OR1F1: variants seen among roughly 807,000 people sequenced by gnomAD.
OR1F1 encodes olfactory receptor 1F1.
For synonymous variants in OR1F1, 184 were observed against 156.7 expected, an observed-to-expected ratio of 1.17 and a Z score of -1.30; for missense variants, 493 against 376.3, an observed-to-expected ratio of 1.31 and a Z score of -2.57.
At chr16:3,191,969 A>G in the OR1F1 span, among the ~76,000 whole-genome samples, 1 of 152,166 alleles carries the variant, frequency 6.6e-6, no homozygotes. Flanking sequence ...CACAAAGAAA[A>G]GTAAAGGGCC....
At chr16:3,189,148 G>A in the OR1F1 span, among the ~76,000 whole-genome samples, 5 of 152,230 alleles carry the variant, frequency 3.3e-5, no homozygotes, top group Non-Finnish European at 7.3e-5. Flanking sequence ...AGAAGCGTGA[G>A]GTGCGGCGAG....
chr16:3,195,919 G>A, the OR1F1 span, among the ~76,000 whole-genome samples: 1 of 152,206 alleles, frequency 6.6e-6, no homozygotes, highest in East Asian at 1.9e-4. Flanking sequence ...CCACCTGGGT[G>A]CGCAGCCCCA....
At chr16:3,200,715 A>G (rs1596324177), upstream of OR1F1, among the ~76,000 whole-genome samples, 1 of 152,338 alleles carries the variant, frequency 6.6e-6, no homozygotes, top group East Asian at 1.9e-4. Context: ...CCTACTGAAG[A>G]TAGCTTTGCT....
chr16:3,204,129 C>G (rs990357129), upstream of OR1F1: 2 of 708,648 alleles, frequency 2.8e-6, no homozygotes, highest in African/African-American at 1.8e-5. Flanking sequence ...ACAATATTAT[C>G]ATTTACATCC....
chr16:3,202,973 C>T (rs192884677), upstream of OR1F1, among the ~76,000 whole-genome samples: 92 of 150,382 alleles, frequency 6.1e-4, no homozygotes, highest in Non-Finnish European at 5.0e-4. Context: ...CTTCTTAATC[C>T]CAGTACAGCT....
At chr16:3,190,766 A>AAAG in the OR1F1 span, among the ~76,000 whole-genome samples, 25 of 151,514 alleles carry the variant, frequency 1.7e-4, no homozygotes, top group African/African-American at 5.8e-4. Flanking sequence ...AAAAAAAAAA[A>AAAG]AAGACCGCAA....
chr16:3,189,346 C>G, the OR1F1 span, among the ~76,000 whole-genome samples: 2 of 152,210 alleles, frequency 1.3e-5, no homozygotes, highest in Non-Finnish European at 2.9e-5. Context: ...GAGCTCCTCA[C>G]TGCGCGCCTC....
chr16:3,204,424 T>C lies in OR1F1; in HGVS notation c.178T>C (p.Tyr60His), dbSNP rs61731433. 2.2e-3 allele frequency: 3,566 copies of C among 1,614,134 alleles called. 74 individuals are homozygous for C. In the African/African-American group the frequency reaches 0.043, roughly 19 times the overall value. Residue 60 changes from tyrosine (Y) to histidine (H), a missense_variant, in exon 1 of 1, where the codon TAC becomes CAC. Physicochemically the swap from Tyr to His is moderately conservative, Grantham distance 83. Transcript: ENST00000304646. ...AGACTCCTGCCTGCACACCCCCATGTACTTCTTCCTCAGCAACCTGTCTTT... is the reference window on the plus strand; with the variant it reads ...AGACTCCTGCCTGCACACCCCCATGCACTTCTTCCTCAGCAACCTGTCTTT...
exon 1 of OR1F1, chr16:3,204,995 T>G: frequency 6.2e-7 from 1 of 1,614,160 alleles, no homozygotes; most frequent in South Asian, 1.1e-5. Flanking sequence ...GTGGTTCTCC[T>G]CTTCTACAGC....
the OR1F1 span, among the ~76,000 whole-genome samples, chr16:3,190,584 C>G: frequency 2.0e-5 from 3 of 152,008 alleles, no homozygotes; most frequent in African/African-American, 7.3e-5. Context: ...AACCCTGTCT[C>G]TACTGAAAAT....
downstream of OR1F1, among the ~76,000 whole-genome samples, chr16:3,205,891 C>A (rs1240618563): frequency 6.6e-6 from 1 of 152,104 alleles, no homozygotes; most frequent in Non-Finnish European, 1.5e-5. Context: ...AATATGAAAT[C>A]AGTGCACCTT....
Position 3,204,854 on chromosome 16 carries a change from G to C in OR1F1, c.608G>C (p.Gly203Ala), listed in dbSNP as rs772468039. 2.5e-6 allele frequency: 4 copies of C among 1,613,898 alleles called. No individual in the cohort carries two copies. In the African/African-American group the frequency reaches 5.3e-5, roughly 22 times the overall value. The change falls in exon 1 of 1, where the codon GGT becomes GCT. Residue 203 changes from glycine to alanine, a missense_variant. Gly to Ala is a moderately conservative substitution (Grantham distance 60). Coordinates refer to ENST00000304646, the Ensembl canonical transcript of OR1F1. Reference sequence around the variant, plus strand: ...AATGAGGTCATAATCCTTAGTGAGGGTGCCCTGGTCATGATCACCCCATTT... The same window carrying C: ...AATGAGGTCATAATCCTTAGTGAGGCTGCCCTGGTCATGATCACCCCATTT...
the OR1F1 span, among the ~76,000 whole-genome samples, chr16:3,197,542 A>G: frequency 3.6e-5 from 5 of 137,188 alleles, no homozygotes; most frequent in Non-Finnish European, 7.7e-5. Context: ...AGTTCCTCAG[A>G]CAGCGCAGTC....
chr16:3,190,276 C>T, the OR1F1 span, among the ~76,000 whole-genome samples: 5 of 152,276 alleles, frequency 3.3e-5, no homozygotes, highest in South Asian at 6.2e-4. Context: ...GGAAGGAGTA[C>T]GGACTGAACC....
At chr16:3,200,007 A>G (rs1478884445), upstream of OR1F1, among the ~76,000 whole-genome samples, 1 of 149,516 alleles carries the variant, frequency 6.7e-6, no homozygotes, top group Non-Finnish European at 1.5e-5. Flanking sequence ...CAAGAACAAA[A>G]CTCCGTCTCA....
At chr16:3,190,101 C>G in the OR1F1 span, among the ~76,000 whole-genome samples, 12 of 152,158 alleles carry the variant, frequency 7.9e-5, no homozygotes, top group African/African-American at 2.7e-4. Context: ...ATCCCCGGTT[C>G]TAGCAGTCGC....
At chr16:3,201,394 C>G (rs1958133631), upstream of OR1F1, among the ~76,000 whole-genome samples, 1 of 152,148 alleles carries the variant, frequency 6.6e-6, no homozygotes, top group Admixed American at 6.5e-5. Context: ...GGGAACAACC[C>G]AACTGTTTTC....
At chr16:3,205,428 G>C (rs181130859), downstream of OR1F1, among the ~76,000 whole-genome samples, 2 of 151,912 alleles carry the variant, frequency 1.3e-5, no homozygotes, top group Admixed American at 1.3e-4. Flanking sequence ...TGATCCTCCT[G>C]CCTCAGCCTC....
At chr16:3,203,263 A>C (rs1489612587), upstream of OR1F1, among the ~76,000 whole-genome samples, 1 of 152,190 alleles carries the variant, frequency 6.6e-6, no homozygotes, top group Non-Finnish European at 1.5e-5. Flanking sequence ...GCTCCTGTGA[A>C]GAGCTTGCCC....
Sources: gnomAD v4.1 joint callset for allele counts (sites outside exome capture counted in the v4.1 genomes callset) on GRCh38, gnomAD v4.1.1 for gene constraint, MANE v1.5 for transcripts, NCBI Gene and HGNC (gene_info 2026-07-23, HGNC 2026-07-21) for gene names.